HTT: variants seen among roughly 807,000 people sequenced by gnomAD.
HTT encodes the protein huntingtin.
In HTT, 104 loss-of-function variants were observed where a neutral mutation model predicts 362.3. The ratio of observed to expected loss-of-function variants is 0.29; its 90% CI spans 0.24 to 0.34. HTT has a LOEUF of 0.34. Ranked by LOEUF, HTT falls within the 10% of genes least tolerant of loss-of-function variation. The probability of loss-of-function intolerance (pLI) is 1.00; values close to 1 mark genes in which losing one functional copy is unlikely to be tolerated. For synonymous variants in HTT, 1,577 were observed against 1,548.7 expected (o/e 1.02, Z -0.43); for missense variants, 3,301 against 3,928.6 (o/e 0.84, Z 4.27).
intron 29 of HTT, among the ~76,000 whole-genome samples, chr4:3,165,002 G>A (rs992983392): frequency 3.9e-5 from 6 of 152,200 alleles, no homozygotes; most frequent in African/African-American, 1.4e-4. Context: ...AACTGATGCA[G>A]TTTCTTCATA....
At position 3,238,603 on chromosome 4, in the gene HTT, G is replaced by T; in HGVS notation, c.9048G>T (p.Val3016=). ...QPYPQFMATV[V]YKVFQTLHST... ...ACCCCCAGTTCATGGCCACCGTGGT[G>T]TATAAGGTGAGGTTGCATGTGGGAT... is the stretch of plus-strand genomic sequence containing the variant. The change falls in exon 65 of 67, where the codon GTG becomes GTT. Residue 3016 remains valine (V), a synonymous_variant. Transcript: ENST00000355072. The T allele has an allele frequency of 6.2e-7, 1 of 1,604,638 alleles. No homozygotes were observed. The highest frequency in any genetic ancestry group is 1.7e-5 in the Admixed American group (1 of 58,584).
chr4:3,113,050 C>CCTTTTG, intron 6 of HTT: 2 of 971,134 alleles, frequency 2.1e-6, no homozygotes, highest in Non-Finnish European at 1.2e-6. Context: ...AGTACTCTTA[C>CCTTTTG]AGGTATGTTG....
At chr4:3,203,975 A>C in intron 41 of HTT, 32 bp from the exon 42 acceptor site, 1 of 1,608,720 alleles carries the variant, frequency 6.2e-7, no homozygotes. Flanking sequence ...GCCATCCAGA[A>C]ACATTGTCAA....
At chr4:3,174,647 A>G in intron 31 of HTT, 74 bp from the exon 32 acceptor site, 2 of 1,173,250 alleles carry the variant, frequency 1.7e-6, no homozygotes, top group Non-Finnish European at 2.5e-6. Flanking sequence ...TTTGAGCAGG[A>G]GTATATCTGA....
intron 35 of HTT, among the ~76,000 whole-genome samples, chr4:3,179,673 AGG>A (rs1473544429): frequency 1.4e-5 from 2 of 141,802 alleles, no homozygotes; most frequent in African/African-American, 5.4e-5. Flanking sequence ...CATGTCACTG[AGG>A]GGTCAGAGTG....
intron 25 of HTT, among the ~76,000 whole-genome samples, chr4:3,147,593 T>C (rs1716671248): frequency 6.6e-6 from 1 of 152,236 alleles, no homozygotes; most frequent in South Asian, 2.1e-4. Flanking sequence ...AGATCATTCA[T>C]CCAACTTGAA....
intron 64 of HTT, among the ~76,000 whole-genome samples, chr4:3,237,779 C>T (rs1287312395): frequency 6.6e-6 from 1 of 152,028 alleles, no homozygotes; most frequent in Non-Finnish European, 1.5e-5. Context: ...ACTGATGAGA[C>T]GGGAACGTGA....
At position 3,145,194 on chromosome 4, in the gene HTT, C is replaced by T. The variant is rs779774557; in HGVS notation, c.3109C>T (p.Pro1037Ser). 1 of 1,613,828 alleles carries T rather than the reference C, an allele frequency of 6.2e-7. No individual in the cohort carries two copies. Among genetic ancestry groups the T allele is most frequent in the Non-Finnish European group, 8.5e-7 (1 of 1,179,806 alleles). ...EALCLLSTAF[P>S]VCIWSLGWHC... ...TTTGTGTCTTCTTTCCACTGCCTTC[C>T]CAGTTTGCATTTGGAGTTTAGGTTG... The change falls in exon 24 of 67, where the codon CCA (proline) becomes TCA (serine). Residue 1037 changes from proline to serine, a missense_variant. Transcript: ENST00000355072.
intron 8 of HTT, among the ~76,000 whole-genome samples, chr4:3,119,947 C>T (rs1368507939): frequency 1.3e-5 from 2 of 152,184 alleles, no homozygotes; most frequent in Admixed American, 6.5e-5. Context: ...TCAACACTAC[C>T]TTTGTAGCAT....
intron 49 of HTT, 37 bp from the exon 50 acceptor site, chr4:3,213,921 A>G (rs762824182): frequency 4.3e-5 from 64 of 1,477,458 alleles, no homozygotes; most frequent in South Asian, 1.1e-4. Context: ...ACGAAGGTAC[A>G]CGAGTGGGCA....
At position 3,207,328 on chromosome 4, in the gene HTT, A is replaced by G. The variant is rs753901147; in HGVS notation, c.6123A>G (p.Glu2041=). ...LPMEELNRIQ[E]YLQSSGLAQR... ...TGGAAGAACTCAACAGAATCCAGGA[A>G]TACCTTCAGAGCAGCGGGCTCGCTC... is the stretch of plus-strand genomic sequence containing the variant. The change falls in exon 45 of 67, where the codon GAA becomes GAG. Residue 2041 remains glutamate (E), a synonymous_variant. Coordinates refer to ENST00000355072, the MANE Select transcript of HTT (RefSeq NM_001388492.1). The G allele has an allele frequency of 9.9e-6, 16 of 1,613,854 alleles. No homozygotes were observed. Among genetic ancestry groups the G allele is most frequent in the Non-Finnish European group, 1.4e-5 (16 of 1,179,860 alleles).
At chr4:3,226,733 C>G (rs1367592633) in intron 57 of HTT, among the ~76,000 whole-genome samples, 1 of 152,236 alleles carries the variant, frequency 6.6e-6, no homozygotes, top group Non-Finnish European at 1.5e-5. Flanking sequence ...CTGAGAGTTT[C>G]CTCTTCTGAG....
rs533287711 is a variant in HTT, at chr4:3,216,780, CT to C, written c.7055-982del. ...GTGGCTCACGCCTGTAATCCCAGCA[CT>C]TTGGGAGGCCGAGGCGGGCGGATCA... is the stretch of plus-strand genomic sequence containing the variant. On this transcript the variant is annotated intron_variant, in intron 51 of 66. Transcript: ENST00000355072. 6.2e-3 allele frequency among the ~76,000 whole-genome samples: 937 copies of C among 152,290 alleles called. 10 individuals are homozygous for C. Among genetic ancestry groups the C allele is most frequent in the African/African-American group, 0.022 (899 of 41,556 alleles).
rs1211838344 is a variant in HTT, at chr4:3,148,797, CA to C, written c.3498+600del. 7.6e-5 allele frequency among the ~76,000 whole-genome samples: 11 copies of C among 144,536 alleles called. No homozygotes were observed. The South Asian group carries it at 2.2e-3, about 29-fold the overall frequency. 94.8% of individuals were successfully genotyped at this position (144,536 alleles called of 152,430 possible). On this transcript the variant is annotated intron_variant, in intron 26 of 66. Coordinates refer to ENST00000355072, the MANE Select transcript of HTT (RefSeq NM_001388492.1). ...TGGGTGACAGAGCGAGACTCCGTCTCAAAAAAAAAATTAGATGGGCATGGTG... is the reference window on the plus strand; with the variant it reads ...TGGGTGACAGAGCGAGACTCCGTCTCAAAAAAAAATTAGATGGGCATGGTG...
At position 3,231,047 on chromosome 4, in the gene HTT, C is replaced by T. The variant is rs61106262; in HGVS notation, c.8265+1005C>T. ...TTGCCAAGTATCCATCACCTGCACA[C>T]GTGAAATCATTGCCCGTGGGTCCCG... On this transcript the variant is annotated intron_variant, in intron 60 of 66. Coordinates refer to ENST00000355072, the MANE Select transcript of HTT (RefSeq NM_001388492.1). 1.9e-4 allele frequency among the ~76,000 whole-genome samples: 29 copies of T among 152,338 alleles called. No homozygotes were observed. The East Asian group carries it at 5.2e-3, about 27-fold the overall frequency.
chr4:3,212,626 GTGGTC>G lies in HTT; in HGVS notation c.6693_6697del (p.Val2232GlnfsTer11). 1 of 1,614,230 alleles carries G rather than the reference GTGGTC, an allele frequency of 6.2e-7. No homozygotes were observed. The highest frequency in any genetic ancestry group is 8.5e-7 in the Non-Finnish European group (1 of 1,180,040). On this transcript the variant is annotated frameshift_variant, in exon 49 of 67. Transcript: ENST00000355072. LOFTEE classifies it high-confidence loss of function. ...CCGGGCCCTGGCACAGTACCTGGTG[GTGGTC>G]TCCAAACTGCCCAGTCATTTGCACC...
chr4:3,165,172 C>A (rs1247190764), intron 29 of HTT, among the ~76,000 whole-genome samples: 1 of 152,182 alleles, frequency 6.6e-6, no homozygotes, highest in Non-Finnish European at 1.5e-5. Flanking sequence ...TTCTCGTTCA[C>A]TTATGAAGCT....
intron 66 of HTT, among the ~76,000 whole-genome samples, chr4:3,239,353 G>A (rs947163857): frequency 2.6e-5 from 4 of 152,186 alleles, no homozygotes; most frequent in South Asian, 2.1e-4. Context: ...ATTGTGCCTC[G>A]ATCGCCCTCT....
intron 5 of HTT, among the ~76,000 whole-genome samples, chr4:3,105,927 C>T (rs1359637112): frequency 6.6e-6 from 1 of 152,176 alleles, no homozygotes; most frequent in East Asian, 1.9e-4. Flanking sequence ...GATTGAGAAA[C>T]AAAAGCAGGA....
Sources: gnomAD v4.1 joint callset for allele counts (sites outside exome capture counted in the v4.1 genomes callset) on GRCh38, gnomAD v4.1.1 for gene constraint, MANE v1.5 for transcripts, NCBI Gene and HGNC (gene_info 2026-07-23, HGNC 2026-07-21) for gene names.